Variants in PLEKHS1 observed in about 807,000 individuals in gnomAD.
PLEKHS1 encodes pleckstrin homology domain-containing family S member 1.
PLEKHS1 carries 55 observed loss-of-function variants against 51.0 expected under a neutral mutation model. That is an observed-to-expected ratio of 1.08 (90% CI 0.87 to 1.35). The LOEUF is 1.35. Ranked by LOEUF, PLEKHS1 falls within the 40% of genes most tolerant of loss-of-function variation. The pLI is 0.00. For missense variants in PLEKHS1, 398 were observed against 423.0 expected (o/e 0.94, Z 0.52); for synonymous variants, 153 against 144.8 (o/e 1.06, Z -0.41).
At chr10:113,780,520 G>A (rs1181291189) in intron 11 of PLEKHS1, 82 bp from the exon 13 acceptor site, 7 of 1,305,144 alleles carry the variant, frequency 5.4e-6, no homozygotes, top group Non-Finnish European at 6.5e-6. Context: ...AGCTCCCAAG[G>A]GTATGAATGA....
intron 2 of PLEKHS1, among the ~76,000 whole-genome samples, chr10:113,757,146 C>T (rs958403903): frequency 6.6e-6 from 1 of 152,126 alleles, no homozygotes; most frequent in African/African-American, 2.4e-5. Flanking sequence ...AACGCCTGAC[C>T]TCGTGATCCA....
At chr10:113,773,712 G>A (rs780172441) in intron 8 of PLEKHS1, among the ~76,000 whole-genome samples, 1 of 152,142 alleles carries the variant, frequency 6.6e-6, no homozygotes, top group African/African-American at 2.4e-5. Context: ...TAGGGTTTTT[G>A]AGCAATCATT....
In PLEKHS1 at chr10:113,780,595, GTT is replaced by G. The variant is rs1417344368; in HGVS notation, c.*-4_*-3del. 11 of 1,611,236 alleles carry G rather than the reference GTT, an allele frequency of 6.8e-6. No homozygotes were observed. Among genetic ancestry groups the G allele is most frequent in the Non-Finnish European group, 9.3e-6 (11 of 1,177,800 alleles). The stretch of plus-strand genomic sequence containing the variant: ...GCCATTTAACTTTCTTCTTTCTTGT[GTT>G]TTAGAAATTAAAGCTTACCATCGGC... On this transcript the variant is annotated splice_region_variant and splice_polypyrimidine_tract_variant and intron_variant, in intron 11 of 11. Coordinates refer to ENST00000361048, the Ensembl canonical transcript of PLEKHS1.
rs557054450 is a variant in PLEKHS1 at position 113,753,225 on chromosome 10, G to T, written c.-20+1464G>T. 2.6e-5 allele frequency among the ~76,000 whole-genome samples: 4 copies of T among 152,128 alleles called. No individual in the cohort carries two copies. In the South Asian group the frequency reaches 8.3e-4, roughly 32 times the overall value. ...AGGCTAACAGCTGCATAGGGGGCGT[G>T]GCCAAGTCCTATAAACATGGACAGA... On this transcript the variant is annotated intron_variant, in intron 1 of 11. Transcript: ENST00000361048.
intron 2 of PLEKHS1, among the ~76,000 whole-genome samples, chr10:113,761,980 C>T (rs1428089105): frequency 6.6e-6 from 1 of 151,956 alleles, no homozygotes; most frequent in Non-Finnish European, 1.5e-5. Flanking sequence ...AACTACAACT[C>T]CAATTTCTTT....
intron 11 of PLEKHS1, 75 bp downstream of exon 12, chr10:113,777,334 C>G: frequency 6.2e-7 from 1 of 1,607,170 alleles, no homozygotes; most frequent in Non-Finnish European, 8.5e-7. Context: ...TAGATGGAGT[C>G]TGAGAAGTAC....
chr10:113,754,973 G>C (rs1854036384), intron 1 of PLEKHS1, among the ~76,000 whole-genome samples: 1 of 152,228 alleles, frequency 6.6e-6, no homozygotes, highest in Admixed American at 6.5e-5. Context: ...AGTAAGAACA[G>C]AGAAAATCCC....
intron 7 of PLEKHS1, 93 bp from the exon 8 acceptor site, chr10:113,771,877 C>A: frequency 6.9e-7 from 1 of 1,446,746 alleles, no homozygotes; most frequent in Non-Finnish European, 9.2e-7. Context: ...CTTTTTTAAC[C>A]CAACTAATTT....
At chr10:113,769,193 G>A (rs981587496) in intron 6 of PLEKHS1, among the ~76,000 whole-genome samples, 1 of 152,146 alleles carries the variant, frequency 6.6e-6, no homozygotes, top group African/African-American at 2.4e-5. Context: ...GTTATTCAAG[G>A]TGCATGACAA....
At chr10:113,764,423 C>A (rs942705111) in intron 2 of PLEKHS1, among the ~76,000 whole-genome samples, 1 of 152,124 alleles carries the variant, frequency 6.6e-6, no homozygotes, top group Non-Finnish European at 1.5e-5. Context: ...TTTACTTTTT[C>A]TTGCTTGCAT....
chr10:113,756,913 C>CTTTT (rs397845343), intron 2 of PLEKHS1, among the ~76,000 whole-genome samples: 61 of 109,856 alleles, frequency 5.6e-4, no homozygotes, highest in Admixed American at 1.5e-3. Context: ...TTAGATTGGT[C>CTTTT]TTTTTTTTTT....
chr10:113,768,719 C>T (rs1844267407), intron 5 of PLEKHS1, 96 bp from the exon 6 acceptor site: 1 of 991,214 alleles, frequency 1.0e-6, no homozygotes, highest in South Asian at 1.7e-5. Flanking sequence ...GGTACCTGCT[C>T]TCACCACCAT....
chr10:113,777,863 A>C (rs766209543), intron 11 of PLEKHS1: 6 of 1,129,104 alleles, frequency 5.3e-6, no homozygotes, highest in Non-Finnish European at 7.1e-6. Context: ...GGTGGCTTAC[A>C]CCTGTAATCC....
At chr10:113,766,002 T>C (rs1417157933) in intron 2 of PLEKHS1, among the ~76,000 whole-genome samples, 2 of 152,262 alleles carry the variant, frequency 1.3e-5, no homozygotes, top group African/African-American at 2.4e-5. Flanking sequence ...CAACTCTACC[T>C]GTCCCCCTTC....
At chr10:113,783,280 A>C (rs1216954044), downstream of PLEKHS1, 1 of 152,068 alleles carries the variant, frequency 6.6e-6, no homozygotes, top group Non-Finnish European at 1.5e-5. Flanking sequence ...TTCTGATTTC[A>C]TATCATTGAA....
chr10:113,753,745 A>G lies in PLEKHS1; in HGVS notation c.-19-1514A>G, dbSNP rs539544662. Among the ~76,000 whole-genome samples the G allele has an allele frequency of 1.4e-4, 22 of 152,286 alleles. 1 individual carries two copies. The highest frequency in any genetic ancestry group is 2.6e-4 in the Non-Finnish European group (18 of 68,026). On this transcript the variant is annotated intron_variant, in intron 1 of 11. Coordinates refer to ENST00000361048, the Ensembl canonical transcript of PLEKHS1. ...AATGCTCTGACAAACCACCAAAAGC[A>G]TATCTTAGAACTTGTCTTAATCTTA...
chr10:113,774,959 G>A (rs767048506), exon 10 of PLEKHS1: 9 of 1,614,172 alleles, frequency 5.6e-6, no homozygotes, highest in East Asian at 2.2e-5. Context: ...TTCCCCTGCC[G>A]ATGTGGAAGC....
At chr10:113,752,298 G>A (rs552552952) in intron 1 of PLEKHS1, among the ~76,000 whole-genome samples, 11 of 152,092 alleles carry the variant, frequency 7.2e-5, no homozygotes, top group Admixed American at 2.6e-4. Flanking sequence ...TTTAGAGTAC[G>A]GTTATGAGGT....
At chr10:113,775,969 T>C (rs1844634213) in intron 11 of PLEKHS1, 103 bp downstream of exon 11, 3 of 828,074 alleles carry the variant, frequency 3.6e-6, no homozygotes, top group Non-Finnish European at 5.5e-6. Context: ...TGACTAGGTT[T>C]GGGGCGGGGG....
Sources: gnomAD v4.1 joint callset for allele counts (sites outside exome capture counted in the v4.1 genomes callset) on GRCh38, gnomAD v4.1.1 for gene constraint, MANE v1.5 for transcripts, NCBI Gene and HGNC (gene_info 2026-07-23, HGNC 2026-07-21) for gene names.